The following SDK1 variants were observed in gnomAD, a reference collection of about 807,000 sequenced individuals.
The protein encoded by SDK1 is protein sidekick-1.
Under a neutral mutation model 245.5 loss-of-function variants are expected in SDK1, and 157 were observed. The ratio of observed to expected loss-of-function variants is 0.64; its 90% CI spans 0.56 to 0.73. The LOEUF (loss-of-function observed/expected upper bound fraction) is 0.73. Among genes scored for constraint, SDK1 ranks in the 30% least tolerant of loss-of-function variants. The probability of loss-of-function intolerance (pLI) is 0.00; values close to 1 mark genes in which losing one functional copy is unlikely to be tolerated. For missense variants in SDK1, 3,583 were observed against 3,002.3 expected (o/e 1.19, Z -4.52); for synonymous variants, 1,647 against 1,278.5 (o/e 1.29, Z -6.15).
chr7:3,667,144 T>C (rs571609854), intron 4 of SDK1, among the ~76,000 whole-genome samples: 17 of 152,230 alleles, frequency 1.1e-4, no homozygotes, highest in African/African-American at 2.4e-4. Context: ...TCTGTGTACC[T>C]TGGCAGATTA....
intron 2 of SDK1, among the ~76,000 whole-genome samples, chr7:3,630,751 AAAG>A (rs1478841330): frequency 1.3e-5 from 2 of 152,202 alleles, no homozygotes; most frequent in Non-Finnish European, 2.9e-5. Context: ...GAGAGAAGAA[AAAG>A]AAGACCTAAA....
intron 1 of SDK1, among the ~76,000 whole-genome samples, chr7:3,342,007 C>G (rs1350324591): frequency 6.6e-6 from 1 of 152,142 alleles, no homozygotes; most frequent in Non-Finnish European, 1.5e-5. Flanking sequence ...GTTGGAATCA[C>G]TCTACTGATA....
intron 17 of SDK1, among the ~76,000 whole-genome samples, chr7:4,042,234 C>T (rs1329035107): frequency 5.1e-5 from 7 of 136,256 alleles, no homozygotes; most frequent in Non-Finnish European, 9.1e-5. Context: ...ACTGCACTGT[C>T]CCACCTCCTT....
Position 4,267,163 on chromosome 7 carries a change from C to T in SDK1, c.*1779C>T. On this transcript the variant is annotated 3_prime_UTR_variant, in exon 45 of 45. Coordinates refer to ENST00000404826, the MANE Select transcript of SDK1 (RefSeq NM_152744.4). The stretch of plus-strand genomic sequence containing the variant: ...CAAAATTAGAGGGTATGGCAAGTTT[C>T]CTTTTTTCTCTCCTCCCTTCCTTCC... 1 of 984,618 alleles carries T rather than the reference C, an allele frequency of 1.0e-6. No homozygotes were observed. The highest frequency in any genetic ancestry group is 1.2e-6 in the Non-Finnish European group (1 of 829,306). The allele number at this position is 984,618 out of a possible 1,614,324, so 61.0% of individuals were successfully genotyped here.
At chr7:3,745,717 T>C (rs1443194248) in intron 4 of SDK1, among the ~76,000 whole-genome samples, 1 of 152,180 alleles carries the variant, frequency 6.6e-6, no homozygotes, top group East Asian at 1.9e-4. Flanking sequence ...CCCTGCCGTT[T>C]AACATTGTTT....
Position 4,209,635 on chromosome 7 carries a change from A to C in SDK1, c.5402-390A>C, listed in dbSNP as rs185523536. ...GCGAGGAGGGGTCAAGAGAGGCTTCATCCATCACAGAGCTCCGTCTCTCCG... is the reference window on the plus strand; with the variant it reads ...GCGAGGAGGGGTCAAGAGAGGCTTCCTCCATCACAGAGCTCCGTCTCTCCG... On this transcript the variant is annotated intron_variant, in intron 37 of 44. Transcript: ENST00000404826. Among the ~76,000 whole-genome samples the C allele has an allele frequency of 7.2e-5, 11 of 151,902 alleles. No homozygotes were observed. The East Asian group carries it at 2.1e-3, about 29-fold the overall frequency.
chr7:3,888,667 G>C (rs1168786764), intron 5 of SDK1, among the ~76,000 whole-genome samples: 2 of 152,142 alleles, frequency 1.3e-5, no homozygotes, highest in African/African-American at 2.4e-5. Flanking sequence ...ATTTAGTACA[G>C]ATCTAATTTA....
chr7:3,978,132 G>A (rs1370221211), intron 13 of SDK1, among the ~76,000 whole-genome samples: 1 of 151,812 alleles, frequency 6.6e-6, no homozygotes, highest in Non-Finnish European at 1.5e-5. Flanking sequence ...TATGGCCAGT[G>A]AGTTCCTAGG....
At chr7:4,184,176 A>G (rs761056761) in intron 35 of SDK1, among the ~76,000 whole-genome samples, 14 of 152,360 alleles carry the variant, frequency 9.2e-5, no homozygotes, top group Non-Finnish European at 2.1e-4. Context: ...AAATTGGGCC[A>G]GCTTCCGTCC....
chr7:3,568,073 A>G (rs975190067), intron 1 of SDK1, among the ~76,000 whole-genome samples: 3 of 152,110 alleles, frequency 2.0e-5, no homozygotes, highest in Admixed American at 2.0e-4. Flanking sequence ...CTCCCACCTT[A>G]GCCTCACAAA....
At chr7:3,308,653 A>C (rs1386043463) in intron 1 of SDK1, among the ~76,000 whole-genome samples, 1 of 152,086 alleles carries the variant, frequency 6.6e-6, no homozygotes, top group African/African-American at 2.4e-5. Context: ...TTTTCAAAAA[A>C]ATTTTTTTTA....
At chr7:3,519,677 G>C (rs957104937) in intron 1 of SDK1, among the ~76,000 whole-genome samples, 2 of 152,026 alleles carry the variant, frequency 1.3e-5, no homozygotes, top group African/African-American at 4.8e-5. Context: ...GTTACATCCA[G>C]AGATACGCAT....
intron 17 of SDK1, among the ~76,000 whole-genome samples, chr7:4,021,024 A>G (rs1786847601): frequency 1.3e-5 from 2 of 152,150 alleles, no homozygotes. Context: ...ATTACACTGG[A>G]AGAGATCTGG....
chr7:3,541,083 T>C (rs1779039019), intron 1 of SDK1, among the ~76,000 whole-genome samples: 1 of 152,238 alleles, frequency 6.6e-6, no homozygotes, highest in Admixed American at 6.5e-5. Flanking sequence ...CATTTCCGTT[T>C]TCTAAACTTG....
At chr7:3,584,787 G>A (rs187873034) in intron 1 of SDK1, among the ~76,000 whole-genome samples, 4 of 151,290 alleles carry the variant, frequency 2.6e-5, no homozygotes. Flanking sequence ...GCAGTGGCGC[G>A]ATCTGGGCTC....
intron 41 of SDK1, among the ~76,000 whole-genome samples, chr7:4,234,699 C>G (rs1292745984): frequency 6.6e-6 from 1 of 152,198 alleles, no homozygotes; most frequent in Non-Finnish European, 1.5e-5. Flanking sequence ...TCGCTGGCCC[C>G]TCACCCCAGA....
At chr7:3,439,165 A>T (rs1780120873) in intron 1 of SDK1, among the ~76,000 whole-genome samples, 1 of 151,970 alleles carries the variant, frequency 6.6e-6, no homozygotes, top group Admixed American at 6.6e-5. Flanking sequence ...CCTTTCTATT[A>T]ATTATCCAAC....
chr7:3,439,391 T>C (rs529053540), intron 1 of SDK1, among the ~76,000 whole-genome samples: 72 of 152,226 alleles, frequency 4.7e-4, no homozygotes, highest in Non-Finnish European at 7.3e-4. Flanking sequence ...CTCTAGAGAC[T>C]ACTGTTGCGC....
chr7:3,525,012 CA>C (rs1783073767), intron 1 of SDK1, among the ~76,000 whole-genome samples: 1 of 152,022 alleles, frequency 6.6e-6, no homozygotes, highest in African/African-American at 2.4e-5. Context: ...GGAAAAAAAC[CA>C]ATACAACAAT....
Sources: gnomAD v4.1 joint callset for allele counts (sites outside exome capture counted in the v4.1 genomes callset) on GRCh38, gnomAD v4.1.1 for gene constraint, MANE v1.5 for transcripts, NCBI Gene and HGNC (gene_info 2026-07-23, HGNC 2026-07-21) for gene names.